Variants in CNTN6 observed in about 807,000 individuals in gnomAD.
The protein encoded by CNTN6 is contactin-6.
A neutral mutation model predicts 122.8 loss-of-function variants in CNTN6; 137 were observed. That is an observed-to-expected ratio of 1.12 (90% confidence interval 0.97 to 1.29). CNTN6 has a LOEUF of 1.29. CNTN6 is among the 50% of genes most tolerant of loss of function. The pLI, the probability that CNTN6 is intolerant of heterozygous loss-of-function variation, is 0.00. For missense variants in CNTN6, 1,634 were observed against 1,223.4 expected (o/e 1.34, Z -5.01); for synonymous variants, 570 against 426.0 (o/e 1.34, Z -4.16).
chr3:1,295,803 T>C lies in CNTN6; in HGVS notation c.657T>C (p.Asp219=). 1 of 1,612,824 alleles carries C rather than the reference T, an allele frequency of 6.2e-7. No homozygotes were observed. The highest frequency in any genetic ancestry group is 1.1e-5 in the South Asian group (1 of 91,016). The change falls in exon 6 of 23, where the codon GAT becomes GAC. Residue 219 remains aspartate, a splice_region_variant and synonymous_variant. Transcript: ENST00000446702. ...GPPTPLVQRT[D]GVMGEYEPKI... ...CCACTCCATTAGTGCAGCGCACTGA[T>C]GGTAAGATAATGAGTTATCTTGGGA...
intron 2 of CNTN6, among the ~76,000 whole-genome samples, chr3:1,207,694 A>G (rs1443936667): frequency 6.6e-6 from 1 of 151,250 alleles, no homozygotes; most frequent in Non-Finnish European, 1.5e-5. Flanking sequence ...AAACGCTGTC[A>G]CAGACTCAAA....
At position 1,384,949 on chromosome 3, in the gene CNTN6, C is replaced by G. The variant is rs538431013; in HGVS notation, c.2518-662C>G. On this transcript the variant is annotated intron_variant, in intron 19 of 22. Transcript: ENST00000446702. ...CCTAGTTACTTCTCAAATTTCATCCCTAGTCGCCTCTTCTCTCTGAGCTCT... is the reference window on the plus strand; with the variant it reads ...CCTAGTTACTTCTCAAATTTCATCCGTAGTCGCCTCTTCTCTCTGAGCTCT... Among the ~76,000 whole-genome samples, 4 of 151,294 alleles carry G rather than the reference C, an allele frequency of 2.6e-5. No homozygotes were observed. In the East Asian group the frequency reaches 7.8e-4, roughly 29 times the overall value.
At chr3:1,210,582 G>A (rs945775773) in intron 2 of CNTN6, among the ~76,000 whole-genome samples, 2 of 152,136 alleles carry the variant, frequency 1.3e-5, no homozygotes, top group Non-Finnish European at 2.9e-5. Flanking sequence ...GGAGGGTAGA[G>A]CTTTTATAGT....
chr3:1,192,340 G>GTAT (rs1222449190), intron 2 of CNTN6, among the ~76,000 whole-genome samples: 4 of 151,988 alleles, frequency 2.6e-5, no homozygotes. Context: ...CCCTTACCGT[G>GTAT]TATTTCTAGC....
intron 2 of CNTN6, among the ~76,000 whole-genome samples, chr3:1,176,864 T>TA (rs1298396371): frequency 6.6e-6 from 1 of 152,190 alleles, no homozygotes; most frequent in Non-Finnish European, 1.5e-5. Flanking sequence ...GATCTCTAAA[T>TA]ATCACTCCAC....
intron 2 of CNTN6, among the ~76,000 whole-genome samples, chr3:1,165,069 C>T (rs2093216433): frequency 6.6e-6 from 1 of 152,104 alleles, no homozygotes; most frequent in Non-Finnish European, 1.5e-5. Flanking sequence ...ATTTTCACAC[C>T]TCACCTCATT....
Position 1,098,319 on chromosome 3 carries a change from C to T in CNTN6, c.-83+5199C>T, listed in dbSNP as rs549552538. 2.1e-4 allele frequency among the ~76,000 whole-genome samples: 32 copies of T among 151,990 alleles called. No homozygotes were observed. The South Asian group carries it at 2.7e-3, about 13-fold the overall frequency. On this transcript the variant is annotated intron_variant, in intron 1 of 22. Transcript: ENST00000446702. Reference sequence around the variant, plus strand: ...TATAAAAGCAATGAACAGAAAAGCACGAGAACAAATAAGCCAGAATTTCTT... The same window carrying T: ...TATAAAAGCAATGAACAGAAAAGCATGAGAACAAATAAGCCAGAATTTCTT...
intron 2 of CNTN6, among the ~76,000 whole-genome samples, chr3:1,160,674 A>G (rs1266617846): frequency 2.0e-5 from 3 of 151,132 alleles, no homozygotes; most frequent in Admixed American, 1.3e-4. Flanking sequence ...AAAAAAAAAA[A>G]AAAGAAAAAT....
At chr3:1,138,587 C>T (rs1574985469) in intron 1 of CNTN6, among the ~76,000 whole-genome samples, 1 of 151,892 alleles carries the variant, frequency 6.6e-6, no homozygotes, top group East Asian at 1.9e-4. Flanking sequence ...GTAGTGTGAC[C>T]ACTTTTTCTT....
At chr3:1,184,862 T>C (rs1241367302) in intron 2 of CNTN6, among the ~76,000 whole-genome samples, 6 of 152,112 alleles carry the variant, frequency 3.9e-5, no homozygotes. Flanking sequence ...CTACTGGTAT[T>C]TTCTACTAGA....
At chr3:1,387,195 T>A (rs190918985) in intron 20 of CNTN6, among the ~76,000 whole-genome samples, 1 of 152,030 alleles carries the variant, frequency 6.6e-6, no homozygotes, top group African/African-American at 2.4e-5. Context: ...TGGAAGCATC[T>A]TAGAAAATAC....
intron 4 of CNTN6, among the ~76,000 whole-genome samples, chr3:1,239,340 A>ACG (rs2094455694): frequency 6.6e-6 from 1 of 152,210 alleles, no homozygotes; most frequent in African/African-American, 2.4e-5. Flanking sequence ...ACAAAATTAA[A>ACG]GTACACAAAT....
intron 1 of CNTN6, among the ~76,000 whole-genome samples, chr3:1,139,537 C>T (rs925904997): frequency 1.3e-5 from 2 of 151,996 alleles, no homozygotes; most frequent in African/African-American, 4.8e-5. Context: ...GCAAGAACAA[C>T]CTTAAAATCA....
chr3:1,294,510 G>T (rs262804), intron 5 of CNTN6, among the ~76,000 whole-genome samples: 1 of 151,924 alleles, frequency 6.6e-6, no homozygotes, highest in African/African-American at 2.4e-5. Context: ...GGTTACAGGG[G>T]GTATATAATG....
intron 11 of CNTN6, among the ~76,000 whole-genome samples, chr3:1,346,608 C>T (rs1404980899): frequency 1.3e-5 from 2 of 152,066 alleles, no homozygotes; most frequent in Non-Finnish European, 2.9e-5. Flanking sequence ...AGAACCTCAC[C>T]AGCTGCAGCT....
At position 1,189,015 on chromosome 3, in the gene CNTN6, A is replaced by C. The variant is rs116468124; in HGVS notation, c.56-31672A>C. 9.9e-3 allele frequency among the ~76,000 whole-genome samples: 1,506 copies of C among 152,302 alleles called. 36 individuals are homozygous for C. Among genetic ancestry groups the C allele is most frequent in the African/African-American group, 0.035 (1,439 of 41,564 alleles). On this transcript the variant is annotated intron_variant, in intron 2 of 22. Transcript: ENST00000446702. ...TGCAGATGTCCACAGGTGATGTGAA[A>C]AGAGATTGAAAAAGGCATTTGCTGA...
In CNTN6 at chr3:1,401,432, G is replaced by T; in HGVS notation, c.2705-1G>T. The T allele has an allele frequency of 6.2e-7, 1 of 1,610,578 alleles. No individual in the cohort carries two copies. The highest frequency in any genetic ancestry group is 8.5e-7 in the Non-Finnish European group (1 of 1,177,612). On this transcript the variant is annotated splice_acceptor_variant, in intron 20 of 22. Transcript: ENST00000446702. LOFTEE classifies it high-confidence loss of function. Reference sequence around the variant, plus strand: ...TTGGATCTTTGATTATCTCTTTAAAGCTCCAAGCCAACCACCAGCAAACAT... The same window carrying T: ...TTGGATCTTTGATTATCTCTTTAAATCTCCAAGCCAACCACCAGCAAACAT...
intron 12 of CNTN6, among the ~76,000 whole-genome samples, chr3:1,366,819 A>G (rs429922): frequency 0.28 from 42,126 of 151,948 alleles, 6,508 homozygotes; most frequent in East Asian, 0.61. Context: ...GTTCTTGTCC[A>G]AGCACCTCTT....
At chr3:1,329,097 A>G (rs190909644) in intron 10 of CNTN6, among the ~76,000 whole-genome samples, 2 of 151,476 alleles carry the variant, frequency 1.3e-5, no homozygotes, top group East Asian at 2.0e-4. Context: ...ATATATGTGT[A>G]TATACGTATA....
Sources: gnomAD v4.1 joint callset for allele counts (sites outside exome capture counted in the v4.1 genomes callset) on GRCh38, gnomAD v4.1.1 for gene constraint, MANE v1.5 for transcripts, NCBI Gene and HGNC (gene_info 2026-07-23, HGNC 2026-07-21) for gene names.